PITRM1: variants seen among roughly 807,000 people sequenced by gnomAD.
The protein encoded by PITRM1 is pitrilysin metallopeptidase 1, also known as presequence protease, mitochondrial.
A neutral mutation model predicts 129.9 loss-of-function variants in PITRM1; 100 were observed. The observed-to-expected ratio is 0.77, with a 90% CI of 0.65 to 0.91. PITRM1 has a LOEUF of 0.91. Among genes scored for constraint, PITRM1 ranks in the 40% least tolerant of loss-of-function variants. The pLI is 0.00. For missense variants in PITRM1, 1,471 were observed against 1,318.3 expected (o/e 1.12, Z -1.79); for synonymous variants, 591 against 508.8 (o/e 1.16, Z -2.17).
At chr10:3,141,843 T>TC (rs1256650473) in intron 23 of PITRM1, 7 of 275,524 alleles carry the variant, frequency 2.5e-5, no homozygotes, top group South Asian at 1.8e-4. Flanking sequence ...CTCGTGTGGG[T>TC]CCTCCAGGAG....
At chr10:3,156,643 ATTC>A (rs1192108596) in intron 13 of PITRM1, among the ~76,000 whole-genome samples, 2 of 152,266 alleles carry the variant, frequency 1.3e-5, no homozygotes, top group African/African-American at 4.8e-5. Context: ...CATATTTTAT[ATTC>A]TTCTACTAAT....
chr10:3,165,585 G>C (rs758823303), intron 4 of PITRM1, 58 bp from the exon 5 acceptor site: 9 of 980,052 alleles, frequency 9.2e-6, no homozygotes, highest in South Asian at 8.3e-5. Flanking sequence ...TAAAATTATT[G>C]ACTCTCAAGA....
Position 3,144,278 on chromosome 10 carries a change from G to A in PITRM1, c.2532+14C>T. ...ACCCACCCGCTGGCAACCCGGATGGGCTGTGGTTCTTACCATGACCAGCTT... is the reference window on the plus strand; with the variant it reads ...ACCCACCCGCTGGCAACCCGGATGGACTGTGGTTCTTACCATGACCAGCTT... On this transcript the variant is annotated intron_variant, in intron 22 of 26. Transcript: ENST00000224949. 1 of 1,520,326 alleles carries A rather than the reference G, an allele frequency of 6.6e-7. No individual in the cohort carries two copies. The highest frequency in any genetic ancestry group is 8.9e-7 in the Non-Finnish European group (1 of 1,118,324). 94.2% of individuals were successfully genotyped at this position (1,520,326 alleles called of 1,614,324 possible).
intron 2 of PITRM1, among the ~76,000 whole-genome samples, chr10:3,168,381 G>A (rs372646650): frequency 6.6e-6 from 1 of 152,244 alleles, no homozygotes; most frequent in African/African-American, 2.4e-5. Flanking sequence ...AGCTTTCATG[G>A]TAGCTATTTC....
chr10:3,168,811 C>A (rs1465152433), intron 2 of PITRM1, among the ~76,000 whole-genome samples: 1 of 152,110 alleles, frequency 6.6e-6, no homozygotes, highest in East Asian at 1.9e-4. Flanking sequence ...ATTACCCAGT[C>A]TTGGGTATTT....
At chr10:3,147,866 C>T (rs1296570441) in intron 18 of PITRM1, 121 bp downstream of exon 18, 23 of 1,170,892 alleles carry the variant, frequency 2.0e-5, no homozygotes, top group Non-Finnish European at 2.8e-5. Flanking sequence ...ATATGAACTA[C>T]AAGTAAAAGT....
At chr10:3,138,482 G>C (rs1588616116) in intron 25 of PITRM1, 145 bp from the exon 26 acceptor site, 7 of 669,126 alleles carry the variant, frequency 1.0e-5, no homozygotes, top group African/African-American at 1.8e-5. Flanking sequence ...TAACAACCCA[G>C]AGATCACACC....
intron 14 of PITRM1, 51 bp from the exon 15 acceptor site, chr10:3,151,414 T>G: frequency 1.9e-6 from 2 of 1,032,478 alleles, no homozygotes; most frequent in Non-Finnish European, 3.0e-6. Context: ...TTAAAAGGTT[T>G]GATGCAACTT....
At chr10:3,149,416 T>C (rs995726525) in intron 16 of PITRM1, 11 of 459,912 alleles carry the variant, frequency 2.4e-5, no homozygotes, top group East Asian at 3.6e-5. Flanking sequence ...TATTATACCG[T>C]AGATTCATAA....
At position 3,144,298 on chromosome 10, in the gene PITRM1, C is replaced by A; in HGVS notation, c.2526G>T (p.Leu842=). 1 of 1,553,654 alleles carries A rather than the reference C, an allele frequency of 6.4e-7. No individual in the cohort carries two copies. Among genetic ancestry groups the A allele is most frequent in the Non-Finnish European group, 8.7e-7 (1 of 1,145,966 alleles). ...VPHGSQVIRK[L]VMEPTFKPWQ... is the part of the protein sequence containing the mutation. ...GATGGGCTGTGGTTCTTACCATGAC[C>A]AGCTTCCTAATGACCTGGGAGCCAT... The change falls in exon 22 of 27, where the codon CTG becomes CTT. Residue 842 remains leucine, a synonymous_variant. Transcript: ENST00000224949.
In PITRM1 at chr10:3,163,882, C is replaced by G; in HGVS notation, c.634G>C (p.Asp212His). The change falls in exon 7 of 27, where the codon GAC becomes CAC. Residue 212 changes from aspartate to histidine, a missense_variant. By Grantham distance (81) the Asp-to-His change is moderately conservative. Coordinates refer to ENST00000224949, the MANE Select transcript of PITRM1 (RefSeq NM_014889.4). ...VFNEMKGAFT[D>H]NERIFSQHLQ... is the part of the protein sequence containing the mutation. Reference sequence around the variant, plus strand: ...TGCTGGGAGAATATCCTCTCATTGTCTGTCTTGAAACGTAAAATAAATAAA... The same window carrying G: ...TGCTGGGAGAATATCCTCTCATTGTGTGTCTTGAAACGTAAAATAAATAAA... The G allele has an allele frequency of 6.3e-7, 1 of 1,597,796 alleles. No individual in the cohort carries two copies. The highest frequency in any genetic ancestry group is 8.5e-7 in the Non-Finnish European group (1 of 1,170,206).
chr10:3,149,437 G>A (rs1841273309), intron 16 of PITRM1, 184 bp downstream of exon 16: 1 of 513,288 alleles, frequency 1.9e-6, no homozygotes, highest in Non-Finnish European at 3.4e-6. Flanking sequence ...CTATTTCAAT[G>A]TAATATAGTA....
Position 3,138,970 on chromosome 10 carries a change from C to T in PITRM1, c.2851G>A (p.Asp951Asn), listed in dbSNP as rs758154756. ...WAKSGKFTQQDIDEAKLSVFS... is the reference protein window; with the variant it reads ...WAKSGKFTQQNIDEAKLSVFS... ...ACAGAAAGTTTGGCTTCGTCGATGTCTTGCTGTGTGAATTTTCCAGACTTA... is the reference window on the plus strand; with the variant it reads ...ACAGAAAGTTTGGCTTCGTCGATGTTTTGCTGTGTGAATTTTCCAGACTTA... The change falls in exon 25 of 27, where the codon GAC becomes AAC. Residue 951 changes from aspartate to asparagine, a missense_variant. Transcript: ENST00000224949. The T allele has an allele frequency of 6.2e-7, 1 of 1,613,786 alleles. No individual in the cohort carries two copies. The highest frequency in any genetic ancestry group is 1.3e-5 in the African/African-American group (1 of 74,934).
rs1168826880 is a variant in PITRM1, at chr10:3,138,254, G to A, written c.3001C>T (p.Leu1001Phe). 1 of 1,613,066 alleles carries A rather than the reference G, an allele frequency of 6.2e-7. No individual in the cohort carries two copies. Among genetic ancestry groups the A allele is most frequent in the Non-Finnish European group, 8.5e-7 (1 of 1,179,030 alleles). The change falls in exon 26 of 27, where the codon CTC (leucine) becomes TTC (phenylalanine). Residue 1001 changes from leucine (L) to phenylalanine (F), a missense_variant. By Grantham distance (22) the Leu-to-Phe change is conservative. Coordinates refer to ENST00000224949, the MANE Select transcript of PITRM1 (RefSeq NM_014889.4). ...EQLFAVSHDKLLAVSDRYLGT... is the reference protein window; with the variant it reads ...EQLFAVSHDKFLAVSDRYLGT... Reference sequence around the variant, plus strand: ...ACTCACCTATCGCTCACGGCCAGGAGCTTGTCGTGGCTGACAGCAAAGAGC... The same window carrying A: ...ACTCACCTATCGCTCACGGCCAGGAACTTGTCGTGGCTGACAGCAAAGAGC...
intron 14 of PITRM1, among the ~76,000 whole-genome samples, chr10:3,154,135 T>C (rs2132436594): frequency 6.6e-6 from 1 of 152,310 alleles, no homozygotes; most frequent in African/African-American, 2.4e-5. Context: ...GGCCTCAGGA[T>C]GTCATCTGGC....
rs376320111 is a variant in PITRM1, at chr10:3,157,498, T to C, written c.1284A>G (p.Leu428=). 9 of 1,609,980 alleles carry C rather than the reference T, an allele frequency of 5.6e-6. No individual in the cohort carries two copies. The African/African-American group carries it at 1.2e-4, about 22-fold the overall frequency. ...KGFEDDRIEA[L]LHKIEIQMKH... is the part of the protein sequence containing the mutation. ...TCATCTGTATTTCAATTTTATGAAG[T>C]AAAGCCTCAATTCGATCATCTTCAA... is the stretch of plus-strand genomic sequence containing the variant. The change falls in exon 12 of 27, where the codon TTA becomes TTG. Residue 428 remains leucine, a synonymous_variant. Transcript: ENST00000224949.
Position 3,158,913 on chromosome 10 carries a change from C to G in PITRM1, c.1136+1G>C. 1 of 1,612,502 alleles carries G rather than the reference C, an allele frequency of 6.2e-7. No homozygotes were observed. The highest frequency in any genetic ancestry group is 8.5e-7 in the Non-Finnish European group (1 of 1,179,222). Reference sequence around the variant, plus strand: ...CTGATCTAATCTAATCATAAACTCACCCAACATCAGGAGAAAAGTCTGTGC... The same window carrying G: ...CTGATCTAATCTAATCATAAACTCAGCCAACATCAGGAGAAAAGTCTGTGC... On this transcript the variant is annotated splice_donor_variant, in intron 10 of 26. Transcript: ENST00000224949. LOFTEE classifies it high-confidence loss of function.
intron 2 of PITRM1, among the ~76,000 whole-genome samples, chr10:3,168,914 CTACACACACACACACACACACA>C (rs1843108716): frequency 1.5e-5 from 2 of 137,430 alleles, no homozygotes; most frequent in African/African-American, 5.5e-5. Context: ...AAGTTTCCAT[CTACACACACACACACACACACA>C]CACACACACA....
rs746397059 is a variant in PITRM1, at chr10:3,148,335, T to C, written c.1872-44A>G. 1.9e-6 allele frequency: 3 copies of C among 1,539,430 alleles called. No individual in the cohort carries two copies. In the African/African-American group the frequency reaches 4.2e-5, roughly 21 times the overall value. On this transcript the variant is annotated intron_variant, in intron 16 of 26. Transcript: ENST00000224949. ...ATCGCCCCGATTACAAGTCAGTCTT[T>C]ACTGAATCATTTTTAAAATCGTGCA...
Sources: allele counts gnomAD v4.1 joint callset (sites outside exome capture counted in the v4.1 genomes callset), GRCh38; gene constraint gnomAD v4.1.1; transcripts MANE v1.5; gene names NCBI Gene and HGNC (gene_info 2026-07-23, HGNC 2026-07-21).